Variants in ACBD6 observed in about 807,000 individuals in gnomAD.
The protein encoded by ACBD6 is acyl-CoA binding domain containing 6, also known as acyl-CoA-binding domain-containing protein 6.
ACBD6 carries 28 observed loss-of-function variants against 37.2 expected under a neutral mutation model. The ratio of observed to expected loss-of-function variants is 0.75; its 90% CI spans 0.56 to 1.03. The LOEUF (loss-of-function observed/expected upper bound fraction) is 1.03. ACBD6 is among the 50% of genes least tolerant of loss of function. The pLI is 0.00. For missense variants in ACBD6, 340 were observed against 337.4 expected, an observed-to-expected ratio of 1.01 and a Z score of -0.06; for synonymous variants, 113 against 126.8, an observed-to-expected ratio of 0.89 and a Z score of 0.73.
chr1:180,394,205 C>G (rs1331114030), intron 6 of ACBD6, among the ~76,000 whole-genome samples: 1 of 151,876 alleles, frequency 6.6e-6, no homozygotes, highest in Non-Finnish European at 1.5e-5. Context: ...GTGATCCTCC[C>G]ACCACAGCCT....
chr1:180,377,313 C>T (rs1653472580), intron 6 of ACBD6, among the ~76,000 whole-genome samples: 2 of 152,158 alleles, frequency 1.3e-5, no homozygotes, highest in Admixed American at 1.3e-4. Context: ...AGTATACATA[C>T]ATACATTTTC....
chr1:180,351,136 T>C (rs1652398779), intron 6 of ACBD6, among the ~76,000 whole-genome samples: 1 of 152,196 alleles, frequency 6.6e-6, no homozygotes, highest in Admixed American at 6.5e-5. Flanking sequence ...TATAGGTGAA[T>C]TGCAGATATC....
At chr1:180,360,253 A>T (rs978216676) in intron 6 of ACBD6, among the ~76,000 whole-genome samples, 6 of 152,214 alleles carry the variant, frequency 3.9e-5, no homozygotes, top group Non-Finnish European at 8.8e-5. Flanking sequence ...ACTGCCAATT[A>T]AGGAGACAAA....
intron 6 of ACBD6, among the ~76,000 whole-genome samples, chr1:180,335,268 C>G (rs1463828906): frequency 6.6e-6 from 1 of 152,126 alleles, no homozygotes; most frequent in Non-Finnish European, 1.5e-5. Context: ...AGAGAAAGGT[C>G]AGGTAACCCA....
intron 7 of ACBD6, among the ~76,000 whole-genome samples, chr1:180,289,766 T>C (rs1649630016): frequency 1.3e-5 from 2 of 152,086 alleles, no homozygotes; most frequent in South Asian, 4.1e-4. Flanking sequence ...TCACACAACA[T>C]GGGTTTATCT....
intron 6 of ACBD6, among the ~76,000 whole-genome samples, chr1:180,377,517 G>A (rs1033089702): frequency 7.9e-5 from 12 of 152,250 alleles, no homozygotes; most frequent in Admixed American, 5.9e-4. Flanking sequence ...ACCTAGAATC[G>A]GGGGAAATAG....
chr1:180,296,004 A>G (rs1571327916), intron 7 of ACBD6, among the ~76,000 whole-genome samples: 1 of 152,244 alleles, frequency 6.6e-6, no homozygotes, highest in East Asian at 1.9e-4. Flanking sequence ...GACAAAAGCT[A>G]GGCTTTTGTG....
intron 3 of ACBD6, chr1:180,435,537 G>A (rs148772338): frequency 1.9e-5 from 15 of 801,646 alleles, no homozygotes; most frequent in East Asian, 5.2e-5. Context: ...AGGCATGAGC[G>A]ACCATGCCCA....
In ACBD6 at chr1:180,271,562, CG is replaced by C. The variant is rs747930737; in HGVS notation, c.*1662del. 4 of 1,613,292 alleles carry C rather than the reference CG, an allele frequency of 2.5e-6. No individual in the cohort carries two copies. The African/African-American group carries it at 5.3e-5, about 22-fold the overall frequency. On this transcript the variant is annotated 3_prime_UTR_variant, in exon 14 of 14. Transcript: ENST00000642319. ...GAGATGCCAGCACTCCTGTGCCCTCCGGGGATCCCAGGCCCGGGACAGGGGT... is the reference window on the plus strand; with the variant it reads ...GAGATGCCAGCACTCCTGTGCCCTCCGGGATCCCAGGCCCGGGACAGGGGT...
At chr1:180,384,800 A>G (rs972918503) in intron 6 of ACBD6, among the ~76,000 whole-genome samples, 1 of 152,224 alleles carries the variant, frequency 6.6e-6, no homozygotes, top group Non-Finnish European at 1.5e-5. Context: ...ATGCATACAC[A>G]ATGGAATACT....
intron 6 of ACBD6, among the ~76,000 whole-genome samples, chr1:180,354,492 T>C (rs2101896448): frequency 6.6e-6 from 1 of 152,256 alleles, no homozygotes; most frequent in Admixed American, 6.5e-5. Context: ...CATGAAAAGA[T>C]TTTTATTTCA....
chr1:180,411,688 T>TG, intron 5 of ACBD6, among the ~76,000 whole-genome samples: 1 of 152,298 alleles, frequency 6.6e-6, no homozygotes, highest in Non-Finnish European at 1.5e-5. Flanking sequence ...TTTTTTGAGA[T>TG]GGAGTCTCGC....
chr1:180,445,731 C>T (rs1649446390), intron 3 of ACBD6, among the ~76,000 whole-genome samples: 1 of 151,776 alleles, frequency 6.6e-6, no homozygotes, highest in Non-Finnish European at 1.5e-5. Context: ...TCAAAACCAG[C>T]CTAGACAACA....
chr1:180,337,963 AAGG>A, intron 6 of ACBD6, among the ~76,000 whole-genome samples: 1 of 152,352 alleles, frequency 6.6e-6, no homozygotes, highest in East Asian at 1.9e-4. Context: ...GGACCTCTTC[AAGG>A]AGAACTACAA....
At chr1:180,495,403 T>C in intron 2 of ACBD6, 58 bp downstream of exon 2, 1 of 1,291,546 alleles carries the variant, frequency 7.7e-7, no homozygotes. Context: ...TGCTTTCTAA[T>C]TCCTAAACAC....
chr1:180,299,677 T>C (rs1650053076), intron 7 of ACBD6, among the ~76,000 whole-genome samples: 1 of 152,000 alleles, frequency 6.6e-6, no homozygotes, highest in Admixed American at 6.6e-5. Context: ...CTCATGAGGA[T>C]ACAAAGCCTG....
intron 9 of ACBD6, among the ~76,000 whole-genome samples, chr1:180,280,047 T>C (rs978143226): frequency 6.6e-6 from 1 of 152,194 alleles, no homozygotes; most frequent in Non-Finnish European, 1.5e-5. Flanking sequence ...TTTAGTTCCT[T>C]ACACTAGACA....
In ACBD6 at chr1:180,413,487, G is replaced by A. The variant is rs774781732; in HGVS notation, c.468-16C>T. On this transcript the variant is annotated splice_polypyrimidine_tract_variant and intron_variant, in intron 4 of 7. Transcript: ENST00000367595. ...GTCTTCTTCCCTAGAATAAAAAAAA[G>A]AAAGGTCTTTTTTTACTGGGTAATA... is the stretch of plus-strand genomic sequence containing the variant. 8.9e-6 allele frequency: 14 copies of A among 1,567,524 alleles called. No individual in the cohort carries two copies. Among genetic ancestry groups the A allele is most frequent in the Non-Finnish European group, 1.8e-6 (2 of 1,141,494 alleles).
chr1:180,412,533 C>T (rs1647902430), intron 5 of ACBD6, among the ~76,000 whole-genome samples: 1 of 152,146 alleles, frequency 6.6e-6, no homozygotes, highest in Admixed American at 6.5e-5. Context: ...TCAGTTAAAA[C>T]TCAGTATGTG....
Sources: allele counts gnomAD v4.1 joint callset (sites outside exome capture counted in the v4.1 genomes callset), GRCh38; gene constraint gnomAD v4.1.1; transcripts MANE v1.5; gene names NCBI Gene and HGNC (gene_info 2026-07-23, HGNC 2026-07-21).